Variants in MRM2 observed in about 807,000 individuals in gnomAD.
MRM2 encodes the protein rRNA methyltransferase 2, mitochondrial.
Under a neutral mutation model 10.9 loss-of-function variants are expected in MRM2, and 15 were observed. That is an observed-to-expected ratio of 1.37 (90% CI 0.92 to 2.11). The LOEUF (loss-of-function observed/expected upper bound fraction) is 2.11. Ranked by LOEUF, MRM2 falls within the 30% of genes most tolerant of loss-of-function variation. The pLI, the probability that MRM2 is intolerant of heterozygous loss-of-function variation, is 0.00. For synonymous variants in MRM2, 139 were observed against 128.7 expected (o/e 1.08, Z -0.54); for missense variants, 328 against 321.3 (o/e 1.02, Z -0.16).
In MRM2 at chr7:2,235,007, G is replaced by C. The variant is rs1794392299; in HGVS notation, c.*115C>G. The C allele has an allele frequency of 1.3e-6, 1 of 754,444 alleles. No homozygotes were observed. The highest frequency in any genetic ancestry group is 1.7e-5 in the African/African-American group (1 of 57,264). 46.7% of individuals were successfully genotyped at this position (754,444 alleles called of 1,614,324 possible). On this transcript the variant is annotated 3_prime_UTR_variant, in exon 3 of 3. Transcript: ENST00000242257. Reference sequence around the variant, plus strand: ...AAAGAGAGAGAGAGACTCCCCACTTGTCCTGCTCCATCTCCAAAATCAGCT... The same window carrying C: ...AAAGAGAGAGAGAGACTCCCCACTTCTCCTGCTCCATCTCCAAAATCAGCT...
At chr7:2,241,924 C>G in intron 1 of MRM2, 1 of 466,910 alleles carries the variant, frequency 2.1e-6, no homozygotes, top group South Asian at 3.5e-5. Flanking sequence ...ACCTGGACTC[C>G]GCCGCCGGCC....
chr7:2,235,602 C>G (rs1432242759), intron 2 of MRM2, 38 bp from the exon 3 acceptor site: 1 of 1,394,192 alleles, frequency 7.2e-7, no homozygotes, highest in East Asian at 2.3e-5. Context: ...TTATTTACAC[C>G]CTGAATCTTT....
rs1047532288 is a variant in MRM2, at chr7:2,239,446, C to T, written c.270G>A (p.Ala90=). Residue 90 remains alanine (A), a synonymous_variant, in exon 2 of 3, where the codon GCG becomes GCA. Coordinates refer to ENST00000242257, the MANE Select transcript of MRM2 (RefSeq NM_013393.3). ...GAAPGAWSQV[A]VQKVNAAGTD... ...TGCCTGCGGCGTTGACCTTCTGCAC[C>T]GCCACCTGACTCCAGGCCCCAGGAG... 5.0e-6 allele frequency: 8 copies of T among 1,611,596 alleles called. No individual in the cohort carries two copies. The highest frequency in any genetic ancestry group is 2.2e-5 in the East Asian group (1 of 44,850).
At position 2,235,499 on chromosome 7, in the gene MRM2, C is replaced by T; in HGVS notation, c.364G>A (p.Ala122Thr). The T allele has an allele frequency of 6.2e-7, 1 of 1,613,950 alleles. No individual in the cohort carries two copies. Among genetic ancestry groups the T allele is most frequent in the Non-Finnish European group, 8.5e-7 (1 of 1,179,992 alleles). The change falls in exon 3 of 3, where the codon GCA becomes ACA. Residue 122 changes from alanine (A) to threonine (T), a missense_variant. Physicochemically the swap from Ala to Thr is moderately conservative, Grantham distance 58. Transcript: ENST00000242257. ...ACGTCAGCAGGGCACAGAAAAGTTG[C>T]TCCTTCCAGGGGGAATATGTGAAGA... ...DLLHIFPLEG[A>T]TFLCPADVTD...
Position 2,239,641 on chromosome 7 carries a change from C to G in MRM2, c.75G>C (p.Lys25Asn). Residue 25 changes from lysine (K) to asparagine (N), a missense_variant, in exon 2 of 3, where the codon AAG becomes AAC. Lys to Asn is a moderately conservative substitution (Grantham distance 94). Coordinates refer to ENST00000242257, the MANE Select transcript of MRM2 (RefSeq NM_013393.3). ...ACAGGTGCTCAGCGCCTGTCCGATT[C>G]TTGCAGCGACTCCCAACAGTGTGGA... ...QGFHTVGSRC[K>N]NRTGAEHLWL... The G allele has an allele frequency of 6.2e-7, 1 of 1,614,118 alleles. No individual in the cohort carries two copies. Among genetic ancestry groups the G allele is most frequent in the Non-Finnish European group, 8.5e-7 (1 of 1,180,030 alleles).
chr7:2,235,631 T>C lies in MRM2; in HGVS notation c.299-67A>G, dbSNP rs1005402181. 40 of 1,065,084 alleles carry C rather than the reference T, an allele frequency of 3.8e-5. No individual in the cohort carries two copies. In the African/African-American group the frequency reaches 5.7e-4, roughly 15 times the overall value. The allele number at this position is 1,065,084 out of a possible 1,614,324, so 66.0% of individuals were successfully genotyped here. A position where few individuals can be genotyped will look rare whatever the true frequency, so the allele number is the denominator to read the frequency against. On this transcript the variant is annotated intron_variant, in intron 2 of 2. Coordinates refer to ENST00000242257, the MANE Select transcript of MRM2 (RefSeq NM_013393.3). ...AATCTTTTTACAAAAATACAGTACA[T>C]GCAACAAAGTGATGAAATAAAAATA...
rs149896875 is a variant in MRM2 at position 2,236,058 on chromosome 7, C to T, written c.299-494G>A. ...CAGCCTGGCCAACATGGGGAAACCC[C>T]ATCTCTACTAAAAATACAAAAATTA... On this transcript the variant is annotated intron_variant, in intron 2 of 2. Transcript: ENST00000242257. 9.7e-3 allele frequency among the ~76,000 whole-genome samples: 1,477 copies of T among 151,928 alleles called. 9 individuals carry two copies. The highest frequency in any genetic ancestry group is 0.024 in the Admixed American group (372 of 15,262).
rs1219961350 is a variant in MRM2, at chr7:2,234,784, A to T, written c.*338T>A. The T allele has an allele frequency of 3.1e-6, 1 of 323,846 alleles. No homozygotes were observed. The highest frequency in any genetic ancestry group is 7.2e-5 in the East Asian group (1 of 13,876). 20.1% of individuals were successfully genotyped at this position (323,846 alleles called of 1,614,324 possible). On this transcript the variant is annotated 3_prime_UTR_variant, in exon 3 of 3. Coordinates refer to ENST00000242257, the MANE Select transcript of MRM2 (RefSeq NM_013393.3). The stretch of plus-strand genomic sequence containing the variant: ...CTATAAGATGAAGTCCCGTCAAGGC[A>T]CACATGGGCACACCCATCCCTGCCT...
Position 2,237,301 on chromosome 7 carries a change from C to T in MRM2, c.299-1737G>A, listed in dbSNP as rs528290572. Among the ~76,000 whole-genome samples, 435 of 152,326 alleles carry T rather than the reference C, an allele frequency of 2.9e-3. 4 individuals are homozygous for T. The highest frequency in any genetic ancestry group is 4.6e-3 in the Non-Finnish European group (315 of 68,038). ...GTGTGAGCCACTGCGCCCGGCCTCA[C>T]GCCTCACTTTATGCTCCTGAGCTTT... On this transcript the variant is annotated intron_variant, in intron 2 of 2. Transcript: ENST00000242257.
rs143186157 is a variant in MRM2 at position 2,234,932 on chromosome 7, C to G, written c.*190G>C. ...TAGCGGACTTTTTCATTTTCCATGG[C>G]CCCTGAACTTAGTTTTGTCATCTCT... On this transcript the variant is annotated 3_prime_UTR_variant, in exon 3 of 3. Transcript: ENST00000242257. The G allele has an allele frequency of 1.7e-6, 1 of 591,374 alleles. No homozygotes were observed. The allele number at this position is 591,374 out of a possible 1,614,324, so 36.6% of individuals were successfully genotyped here.
At chr7:2,241,328 G>GAT (rs1794532038) in intron 1 of MRM2, 1 of 150,422 alleles carries the variant, frequency 6.6e-6, no homozygotes, top group Non-Finnish European at 1.5e-5. Flanking sequence ...CATCCAGGCT[G>GAT]GAGTTGCAGT....
chr7:2,242,178 C>A lies in MRM2; in HGVS notation c.-9G>T. The A allele has an allele frequency of 6.3e-7, 1 of 1,584,252 alleles. No individual in the cohort carries two copies. Among genetic ancestry groups the A allele is most frequent in the East Asian group, 2.3e-5 (1 of 42,828 alleles). On this transcript the variant is annotated 5_prime_UTR_variant, in exon 1 of 3. Transcript: ENST00000242257. ...CCAGCTCACCCCGCCATTGGTGTTCCCCGCGCCTGCAGCGCGCCGCCGGAA... is the reference window on the plus strand; with the variant it reads ...CCAGCTCACCCCGCCATTGGTGTTCACCGCGCCTGCAGCGCGCCGCCGGAA...
intron 1 of MRM2, chr7:2,241,337 GTGGCA>G (rs1794532800): frequency 6.6e-6 from 1 of 152,506 alleles, no homozygotes; most frequent in Non-Finnish European, 1.5e-5. Flanking sequence ...TGGAGTTGCA[GTGGCA>G]CAATCACAGC....
intron 1 of MRM2, among the ~76,000 whole-genome samples, chr7:2,241,587 C>T (rs1794540809): frequency 6.6e-6 from 1 of 152,178 alleles, no homozygotes; most frequent in Admixed American, 6.5e-5. Context: ...CAGGTGTGGG[C>T]CACCAAGCCC....
intron 2 of MRM2, among the ~76,000 whole-genome samples, chr7:2,236,711 C>T (rs557551713): frequency 6.6e-6 from 1 of 152,194 alleles, no homozygotes; most frequent in Admixed American, 6.5e-5. Flanking sequence ...TTTCTCTCCC[C>T]CTACCGTTGG....
chr7:2,242,149 G>GCGCC lies in MRM2; in HGVS notation c.8+9_8+12dup, dbSNP rs1562403847. 6.3e-7 allele frequency: 1 copy of GCGCC among 1,583,330 alleles called. No homozygotes were observed. Reference sequence around the variant, plus strand: ...CCCGCTGTCTGCACGCGCAGCAGCAGCGCCCAGCTCACCCCGCCATTGGTG... The same window carrying GCGCC: ...CCCGCTGTCTGCACGCGCAGCAGCAGCGCCCGCCCAGCTCACCCCGCCATTGGTG... On this transcript the variant is annotated intron_variant, in intron 1 of 2. Coordinates refer to ENST00000242257, the MANE Select transcript of MRM2 (RefSeq NM_013393.3).
chr7:2,238,494 C>G (rs1794457621), intron 2 of MRM2: 1 of 152,228 alleles, frequency 6.6e-6, no homozygotes, highest in African/African-American at 2.4e-5. Context: ...TGTGTCTCAG[C>G]TTCATCCAGA....
chr7:2,241,860 C>T (rs1018994693), intron 1 of MRM2: 2 of 396,616 alleles, frequency 5.0e-6, no homozygotes, highest in East Asian at 4.1e-5. Flanking sequence ...AGCGAAATCC[C>T]GCCCCGGGCT....
intron 2 of MRM2, among the ~76,000 whole-genome samples, chr7:2,236,168 T>G (rs1194430990): frequency 6.6e-6 from 1 of 152,118 alleles, no homozygotes; most frequent in Non-Finnish European, 1.5e-5. Flanking sequence ...AAGCGGAGGT[T>G]GCAGTGAGCC....
Sources: gnomAD v4.1 joint callset for allele counts (sites outside exome capture counted in the v4.1 genomes callset) on GRCh38, gnomAD v4.1.1 for gene constraint, MANE v1.5 for transcripts, NCBI Gene and HGNC (gene_info 2026-07-23, HGNC 2026-07-21) for gene names.